HS6ST3: variants seen among roughly 807,000 people sequenced by gnomAD.
HS6ST3 encodes heparan sulfate 6-O-sulfotransferase 3, also known as heparan-sulfate 6-O-sulfotransferase 3.
HS6ST3 carries 12 observed loss-of-function variants against 36.7 expected under a neutral mutation model. That is an observed-to-expected ratio of 0.33 (90% CI 0.21 to 0.53). The LOEUF is 0.53. Among genes scored for constraint, HS6ST3 ranks in the 20% least tolerant of loss-of-function variants. HS6ST3 has a pLI of 0.95. For synonymous variants in HS6ST3, 240 were observed against 257.5 expected, an observed-to-expected ratio of 0.93 and a Z score of 0.65; for missense variants, 584 against 640.9, an observed-to-expected ratio of 0.91 and a Z score of 0.96.
Position 96,645,093 on chromosome 13 carries a change from G to T in HS6ST3, c.708-187397G>T, listed in dbSNP as rs188215880. The stretch of plus-strand genomic sequence containing the variant: ...TTTTAAATAAATGTATTGCCTAATA[G>T]GGTTACTGGCATCAGAACATGGGTT... On this transcript the variant is annotated intron_variant, in intron 1 of 1. Coordinates refer to ENST00000376705, the MANE Select transcript of HS6ST3 (RefSeq NM_153456.4). Among the ~76,000 whole-genome samples, 216 of 151,996 alleles carry T rather than the reference G, an allele frequency of 1.4e-3. 2 individuals are homozygous for T. Among genetic ancestry groups the T allele is most frequent in the Middle Eastern group, 0.01 (3 of 294 alleles).
chr13:96,724,638 G>A (rs1875952977), intron 1 of HS6ST3, among the ~76,000 whole-genome samples: 2 of 151,580 alleles, frequency 1.3e-5, no homozygotes. Context: ...ACTCTTGAGG[G>A]TTTTTTTTGC....
intron 1 of HS6ST3, among the ~76,000 whole-genome samples, chr13:96,541,286 C>T (rs1303934377): frequency 1.3e-5 from 2 of 152,166 alleles, no homozygotes; most frequent in East Asian, 1.9e-4. Context: ...ATCCACCCGC[C>T]TTAGCCTTCC....
intron 1 of HS6ST3, among the ~76,000 whole-genome samples, chr13:96,635,121 A>C (rs1246255824): frequency 6.6e-6 from 1 of 152,188 alleles, no homozygotes; most frequent in Non-Finnish European, 1.5e-5. Flanking sequence ...ATTGCTTCTC[A>C]GTTGGGTTCC....
intron 1 of HS6ST3, among the ~76,000 whole-genome samples, chr13:96,389,523 T>C (rs2055385366): frequency 6.6e-6 from 1 of 152,140 alleles, no homozygotes; most frequent in Non-Finnish European, 1.5e-5. Context: ...TTTCTCTGTA[T>C]CAAACACACT....
intron 1 of HS6ST3, among the ~76,000 whole-genome samples, chr13:96,713,924 C>T (rs1246975672): frequency 2.0e-5 from 3 of 152,128 alleles, no homozygotes; most frequent in African/African-American, 7.2e-5. Context: ...ACAGGAGTAG[C>T]ATATAAACCA....
At chr13:96,637,813 A>T (rs2056555050) in intron 1 of HS6ST3, among the ~76,000 whole-genome samples, 1 of 152,118 alleles carries the variant, frequency 6.6e-6, no homozygotes, top group South Asian at 2.1e-4. Context: ...CTTTTTATTT[A>T]AAGCCCAGGT....
intron 1 of HS6ST3, among the ~76,000 whole-genome samples, chr13:96,183,190 G>C (rs192523873): frequency 6.6e-6 from 1 of 152,128 alleles, no homozygotes; most frequent in Non-Finnish European, 1.5e-5. Flanking sequence ...CTATGTTAAA[G>C]CTTTTTTTTG....
At chr13:96,210,962 C>T (rs915599129) in intron 1 of HS6ST3, among the ~76,000 whole-genome samples, 16 of 151,446 alleles carry the variant, frequency 1.1e-4, no homozygotes, top group Non-Finnish European at 1.5e-5. Context: ...GACAGAGTCT[C>T]ACTCTGTTGC....
chr13:96,400,053 C>T (rs1292322889), intron 1 of HS6ST3, among the ~76,000 whole-genome samples: 1 of 151,866 alleles, frequency 6.6e-6, no homozygotes, highest in African/African-American at 2.4e-5. Flanking sequence ...TCCTGTTTTT[C>T]ATTCAGAGAG....
In HS6ST3 at chr13:96,838,241, C is replaced by T. The variant is rs1878986602; in HGVS notation, c.*5043C>T. The T allele has an allele frequency of 6.6e-6, 1 of 152,158 alleles. No homozygotes were observed. The highest frequency in any genetic ancestry group is 2.1e-4 in the South Asian group (1 of 4,832). 9.4% of individuals were successfully genotyped at this position (152,158 alleles called of 1,614,324 possible). On this transcript the variant is annotated 3_prime_UTR_variant, in exon 2 of 2. Coordinates refer to ENST00000376705, the MANE Select transcript of HS6ST3 (RefSeq NM_153456.4). ...AAAATGACTAAGATACAGTCTCTGT[C>T]CTCTAGAACTAGGGCAGCCTGGAAA...
intron 1 of HS6ST3, among the ~76,000 whole-genome samples, chr13:96,664,543 C>T (rs938417536): frequency 9.2e-5 from 14 of 152,100 alleles, no homozygotes; most frequent in African/African-American, 3.1e-4. Context: ...TCATTTCTAC[C>T]TTCTCCAATA....
At position 96,125,118 on chromosome 13, in the gene HS6ST3, T is replaced by G. The variant is rs934835519; in HGVS notation, c.707+33549T>G. 9.2e-5 allele frequency among the ~76,000 whole-genome samples: 14 copies of G among 152,194 alleles called. No homozygotes were observed. In the East Asian group the frequency reaches 2.7e-3, roughly 29 times the overall value. On this transcript the variant is annotated intron_variant, in intron 1 of 1. Coordinates refer to ENST00000376705, the MANE Select transcript of HS6ST3 (RefSeq NM_153456.4). ...TTTGAATATTTATTTCTAATTTATGTTGTACATACTGCAAGGGTATCTGAG... is the reference window on the plus strand; with the variant it reads ...TTTGAATATTTATTTCTAATTTATGGTGTACATACTGCAAGGGTATCTGAG...
intron 1 of HS6ST3, among the ~76,000 whole-genome samples, chr13:96,555,852 A>T (rs2056238436): frequency 6.6e-6 from 1 of 152,222 alleles, no homozygotes. Context: ...ACTGAACTGA[A>T]GCAAGATGTG....
intron 1 of HS6ST3, among the ~76,000 whole-genome samples, chr13:96,445,361 C>T (rs1296719629): frequency 6.6e-6 from 1 of 151,982 alleles, no homozygotes; most frequent in Non-Finnish European, 1.5e-5. Context: ...ATGAGTTTTG[C>T]TCATTTACAT....
rs1296029656 is a variant in HS6ST3 at position 96,090,683 on chromosome 13, G to A, written c.-180G>A. Among the ~76,000 whole-genome samples, 6 of 147,790 alleles carry A rather than the reference G, an allele frequency of 4.1e-5. No individual in the cohort carries two copies. Among genetic ancestry groups the A allele is most frequent in the East Asian group, 2.0e-4 (1 of 4,932 alleles). The stretch of plus-strand genomic sequence containing the variant: ...CTCCCCCGCCCGGCTCGCAGGCCCC[G>A]GCTCCTCAAGCCCCGAGGGCCGCGG... On this transcript the variant is annotated 5_prime_UTR_variant, in exon 1 of 2. Coordinates refer to ENST00000376705, the MANE Select transcript of HS6ST3 (RefSeq NM_153456.4).
At chr13:96,257,022 CT>C (rs2054640654) in intron 1 of HS6ST3, among the ~76,000 whole-genome samples, 1 of 152,136 alleles carries the variant, frequency 6.6e-6, no homozygotes, top group African/African-American at 2.4e-5. Context: ...AAAGGACTTC[CT>C]GTTTCTGTTG....
chr13:96,490,454 T>G (rs1185632550), intron 1 of HS6ST3, among the ~76,000 whole-genome samples: 1 of 152,252 alleles, frequency 6.6e-6, no homozygotes, highest in Middle Eastern at 3.4e-3. Flanking sequence ...GGACAGAATT[T>G]TAGGGACATT....
rs141211336 is a variant in HS6ST3, at chr13:96,625,284, A to G, written c.708-207206A>G. Among the ~76,000 whole-genome samples, 1,215 of 152,312 alleles carry G rather than the reference A, an allele frequency of 8.0e-3. 16 individuals carry two copies. Among genetic ancestry groups the G allele is most frequent in the African/African-American group, 0.027 (1,113 of 41,556 alleles). ...GTAACTAAAGGTTGCTTTTGGCACT[A>G]CTTGCTGACTTGGGCTGGTTTCCCA... On this transcript the variant is annotated intron_variant, in intron 1 of 1. Coordinates refer to ENST00000376705, the MANE Select transcript of HS6ST3 (RefSeq NM_153456.4).
intron 1 of HS6ST3, among the ~76,000 whole-genome samples, chr13:96,788,180 C>T (rs1877698970): frequency 6.6e-6 from 1 of 151,754 alleles, no homozygotes; most frequent in Admixed American, 6.6e-5. Flanking sequence ...TAGTGTGAGT[C>T]CTCCAACATA....
Sources: gnomAD v4.1 joint callset for allele counts (sites outside exome capture counted in the v4.1 genomes callset) on GRCh38, gnomAD v4.1.1 for gene constraint, MANE v1.5 for transcripts, NCBI Gene and HGNC (gene_info 2026-07-23, HGNC 2026-07-21) for gene names.